Variants in SDK1 observed in about 807,000 individuals in gnomAD.
SDK1 encodes the protein sidekick cell adhesion molecule 1.
In SDK1, 157 loss-of-function variants were observed where a neutral mutation model predicts 245.5. The ratio of observed to expected loss-of-function variants is 0.64; its 90% CI spans 0.56 to 0.73. The LOEUF is 0.73. Ranked by LOEUF, SDK1 falls within the 30% of genes least tolerant of loss-of-function variation. SDK1 has a pLI of 0.00. For missense variants in SDK1, 3,583 were observed against 3,002.3 expected (o/e 1.19, Z -4.52); for synonymous variants, 1,647 against 1,278.5 (o/e 1.29, Z -6.15).
chr7:3,934,815 A>G (rs1780099597), intron 5 of SDK1, among the ~76,000 whole-genome samples: 1 of 152,198 alleles, frequency 6.6e-6, no homozygotes, highest in Non-Finnish European at 1.5e-5. Flanking sequence ...GTGACCCCAG[A>G]AAGTGTGAGT....
Position 4,078,752 on chromosome 7 carries a change from G to A in SDK1, c.3203-711G>A, listed in dbSNP as rs185011855. 1.8e-3 allele frequency among the ~76,000 whole-genome samples: 275 copies of A among 152,346 alleles called. 2 individuals carry two copies. Among genetic ancestry groups the A allele is most frequent in the Non-Finnish European group, 3.5e-4 (24 of 68,044 alleles). ...AGATGCTCTTTGGGGAGCGGCATCT[G>A]AAGGGTCTCTCATCTAGGAGTAGGC... On this transcript the variant is annotated intron_variant, in intron 21 of 44. Coordinates refer to ENST00000404826, the MANE Select transcript of SDK1 (RefSeq NM_152744.4).
At chr7:4,093,860 A>C (rs537047183) in intron 22 of SDK1, among the ~76,000 whole-genome samples, 1 of 152,194 alleles carries the variant, frequency 6.6e-6, no homozygotes, top group Non-Finnish European at 1.5e-5. Flanking sequence ...GACACCTTGC[A>C]GGATGTATGG....
intron 4 of SDK1, among the ~76,000 whole-genome samples, chr7:3,655,473 A>ATG (rs1191941573): frequency 2.8e-4 from 17 of 61,196 alleles, no homozygotes; most frequent in African/African-American, 8.0e-4. Context: ...ATATATATAT[A>ATG]TATATATATA....
chr7:3,680,369 C>T (rs1218951022), intron 4 of SDK1, among the ~76,000 whole-genome samples: 3 of 152,026 alleles, frequency 2.0e-5, no homozygotes, highest in South Asian at 2.1e-4. Flanking sequence ...GGATCTTTGT[C>T]GTGGTAGGAC....
intron 1 of SDK1, among the ~76,000 whole-genome samples, chr7:3,396,249 G>A (rs902097307): frequency 2.4e-4 from 37 of 151,634 alleles, no homozygotes; most frequent in South Asian, 1.0e-3. Flanking sequence ...ATTATTGTTG[G>A]TAAATATACT....
chr7:3,348,681 C>T (rs527829067), intron 1 of SDK1, among the ~76,000 whole-genome samples: 12 of 152,104 alleles, frequency 7.9e-5, no homozygotes, highest in African/African-American at 2.9e-4. Context: ...GTGTATGTAC[C>T]CCCAAATCTG....
At chr7:3,450,358 G>C (rs966555567) in intron 1 of SDK1, among the ~76,000 whole-genome samples, 1 of 152,128 alleles carries the variant, frequency 6.6e-6, no homozygotes, top group African/African-American at 2.4e-5. Flanking sequence ...GTGTGGATGA[G>C]GTATTATTAA....
intron 4 of SDK1, among the ~76,000 whole-genome samples, chr7:3,762,387 C>T (rs559680193): frequency 1.3e-5 from 2 of 152,334 alleles, no homozygotes; most frequent in South Asian, 4.1e-4. Context: ...CCTCATAGAT[C>T]TCCTGCACGA....
At chr7:3,472,715 A>G (rs968382684) in intron 1 of SDK1, among the ~76,000 whole-genome samples, 1 of 152,208 alleles carries the variant, frequency 6.6e-6, no homozygotes, top group Non-Finnish European at 1.5e-5. Context: ...ACTTTAACCT[A>G]GATTACTGAA....
At chr7:3,910,370 G>A (rs1239352347) in intron 5 of SDK1, among the ~76,000 whole-genome samples, 1 of 152,368 alleles carries the variant, frequency 6.6e-6, no homozygotes, top group Non-Finnish European at 1.5e-5. Flanking sequence ...GACTCTCTGT[G>A]TTGGAGAATT....
At chr7:4,156,666 A>T (rs1780757120) in intron 30 of SDK1, among the ~76,000 whole-genome samples, 1 of 152,222 alleles carries the variant, frequency 6.6e-6, no homozygotes, top group African/African-American at 2.4e-5. Context: ...AAAAATGGTT[A>T]TCAGTTTTCT....
chr7:4,011,892 G>A (rs186478821), intron 15 of SDK1, among the ~76,000 whole-genome samples: 2 of 152,194 alleles, frequency 1.3e-5, no homozygotes. Context: ...TCGTTGCTTG[G>A]TTAACTGATT....
chr7:3,858,020 T>C (rs1442697842), intron 5 of SDK1, among the ~76,000 whole-genome samples: 1 of 152,236 alleles, frequency 6.6e-6, no homozygotes, highest in African/African-American at 2.4e-5. Context: ...TCCCCAAATC[T>C]ATAAATTCGG....
intron 1 of SDK1, among the ~76,000 whole-genome samples, chr7:3,348,849 C>T (rs1257178046): frequency 6.6e-6 from 1 of 152,098 alleles, no homozygotes; most frequent in Non-Finnish European, 1.5e-5. Context: ...ATGACTTTTG[C>T]TTTTATTAAC....
intron 4 of SDK1, among the ~76,000 whole-genome samples, chr7:3,755,680 C>G (rs1419050534): frequency 3.3e-5 from 5 of 152,112 alleles, no homozygotes; most frequent in Non-Finnish European, 7.4e-5. Context: ...TCCCCCCAAC[C>G]CCTCACCCCA....
At position 3,678,865 on chromosome 7, in the gene SDK1, G is replaced by C. The variant is rs181482888; in HGVS notation, c.713+36760G>C. Among the ~76,000 whole-genome samples, 360 of 152,210 alleles carry C rather than the reference G, an allele frequency of 2.4e-3. 2 individuals are homozygous for C. The highest frequency in any genetic ancestry group is 8.3e-3 in the African/African-American group (343 of 41,526). The stretch of plus-strand genomic sequence containing the variant: ...TTCAACAAATGGTGCTGGAGCAATT[G>C]GGTATCAACAGGCAAAATAATGAAC... On this transcript the variant is annotated intron_variant, in intron 4 of 44. Transcript: ENST00000404826.
intron 1 of SDK1, among the ~76,000 whole-genome samples, chr7:3,395,834 T>A (rs1562461297): frequency 6.6e-6 from 1 of 151,894 alleles, no homozygotes; most frequent in Non-Finnish European, 1.5e-5. Context: ...TAATCATCTC[T>A]CTTTCATTCC....
intron 5 of SDK1, among the ~76,000 whole-genome samples, chr7:3,924,263 G>C (rs923676565): frequency 1.3e-5 from 2 of 152,188 alleles, no homozygotes; most frequent in Non-Finnish European, 2.9e-5. Flanking sequence ...CGTGGAAGGA[G>C]AGGATGAGTT....
chr7:3,632,744 T>A (rs1236296916), intron 2 of SDK1, among the ~76,000 whole-genome samples: 3 of 152,208 alleles, frequency 2.0e-5, no homozygotes, highest in Non-Finnish European at 2.9e-5. Context: ...AAACATAACC[T>A]CAGCTTGCCT....
Sources: gnomAD v4.1 joint callset for allele counts (sites outside exome capture counted in the v4.1 genomes callset) on GRCh38, gnomAD v4.1.1 for gene constraint, MANE v1.5 for transcripts, NCBI Gene and HGNC (gene_info 2026-07-23, HGNC 2026-07-21) for gene names.